The following LMO1 variants were observed in gnomAD, a reference collection of about 807,000 sequenced individuals.
LMO1 encodes rhombotin-1.
LMO1 carries 10 observed loss-of-function variants against 18.0 expected under a neutral mutation model. The observed-to-expected ratio is 0.55, with a 90% CI of 0.34 to 0.94. The LOEUF (loss-of-function observed/expected upper bound fraction) is 0.94. Among genes scored for constraint, LMO1 ranks in the 40% least tolerant of loss-of-function variants. The probability of loss-of-function intolerance (pLI) is 0.02; values close to 1 mark genes in which losing one functional copy is unlikely to be tolerated. For missense variants in LMO1, 183 were observed against 205.7 expected (o/e 0.89, Z 0.68); for synonymous variants, 77 against 77.9 (o/e 0.99, Z 0.06).
At chr11:8,231,386 G>A (rs992871728) in intron 1 of LMO1, among the ~76,000 whole-genome samples, 2 of 152,254 alleles carry the variant, frequency 1.3e-5, no homozygotes, top group Admixed American at 6.5e-5. Flanking sequence ...CAGGCACGAC[G>A]TGCAGGTGTG....
At chr11:8,241,058 C>T (rs1265260089) in intron 1 of LMO1, among the ~76,000 whole-genome samples, 1 of 152,150 alleles carries the variant, frequency 6.6e-6, no homozygotes, top group Admixed American at 6.5e-5. Context: ...ATTTTCTTTC[C>T]ATTCTTTGGT....
intron 1 of LMO1, among the ~76,000 whole-genome samples, chr11:8,260,965 T>A (rs1311069988): frequency 6.6e-6 from 1 of 152,068 alleles, no homozygotes; most frequent in Non-Finnish European, 1.5e-5. Context: ...AGATAGGTGG[T>A]TGGTTTGGAG....
At chr11:8,237,746 G>T (rs1952786592) in intron 1 of LMO1, among the ~76,000 whole-genome samples, 1 of 152,260 alleles carries the variant, frequency 6.6e-6, no homozygotes, top group Admixed American at 6.5e-5. Context: ...AGTCAGCTCA[G>T]TAGAGGGACT....
At chr11:8,258,465 G>T (rs1442795020) in intron 1 of LMO1, among the ~76,000 whole-genome samples, 2 of 152,196 alleles carry the variant, frequency 1.3e-5, no homozygotes, top group African/African-American at 4.8e-5. Context: ...CCCAACTCTG[G>T]CAGCTTCGCC....
intron 3 of LMO1, 34 bp from the exon 4 acceptor site, chr11:8,224,755 G>A: frequency 6.9e-7 from 1 of 1,443,006 alleles, no homozygotes; most frequent in South Asian, 1.2e-5. Context: ...GAAGCCATGG[G>A]AAGGTCCCAG....
At chr11:8,262,277 C>T (rs561324231) in intron 1 of LMO1, among the ~76,000 whole-genome samples, 5 of 152,314 alleles carry the variant, frequency 3.3e-5, no homozygotes, top group East Asian at 3.9e-4. Flanking sequence ...GGCAGAACGC[C>T]GGCGGCAGCG....
intron 1 of LMO1, among the ~76,000 whole-genome samples, chr11:8,255,817 A>ATTTT (rs1847085105): frequency 6.7e-5 from 5 of 74,988 alleles, no homozygotes; most frequent in African/African-American, 8.7e-5. Context: ...ACAATGCCGC[A>ATTTT]CTTTTTTTTT....
chr11:8,244,556 G>A (rs1257419099), intron 1 of LMO1, among the ~76,000 whole-genome samples: 1 of 152,194 alleles, frequency 6.6e-6, no homozygotes, highest in African/African-American at 2.4e-5. Context: ...AAGAAAGGAG[G>A]GGAAAAGCCA....
chr11:8,236,556 G>T (rs1952763545), intron 1 of LMO1, among the ~76,000 whole-genome samples: 1 of 151,972 alleles, frequency 6.6e-6, no homozygotes, highest in South Asian at 2.1e-4. Context: ...GTGCTGTGCT[G>T]CAGGGCTGCA....
At position 8,245,447 on chromosome 11, in the gene LMO1, C is replaced by A. The variant is rs116882247; in HGVS notation, c.26-14943G>T. 6.9e-3 allele frequency among the ~76,000 whole-genome samples: 1,050 copies of A among 152,176 alleles called. 3 individuals carry two copies. Among genetic ancestry groups the A allele is most frequent in the Non-Finnish European group, 0.011 (772 of 68,032 alleles). ...TTGTAGGGCTGAAGAATGAAAGTAC[C>A]TAAAGCAAGCAGAAGTCCTTTGCTA... On this transcript the variant is annotated intron_variant, in intron 1 of 3. Transcript: ENST00000335790.
At chr11:8,229,854 T>C (rs1353122298) in intron 2 of LMO1, among the ~76,000 whole-genome samples, 2 of 152,138 alleles carry the variant, frequency 1.3e-5, no homozygotes, top group African/African-American at 4.8e-5. Context: ...GAAAGGAAAG[T>C]TGGACACTGG....
rs7926261 is a variant in LMO1, at chr11:8,241,402, G to A, written c.26-10898C>T. Among the ~76,000 whole-genome samples, 713 of 152,326 alleles carry A rather than the reference G, an allele frequency of 4.7e-3. 3 individuals carry two copies. Among genetic ancestry groups the A allele is most frequent in the African/African-American group, 0.016 (666 of 41,574 alleles). On this transcript the variant is annotated intron_variant, in intron 1 of 3. Coordinates refer to ENST00000335790, the MANE Select transcript of LMO1 (RefSeq NM_002315.3). ...GGAGAGATCTTCCAGATGAACCAGG[G>A]CAGGTCACTGCTCAACTTGAAACCC...
At chr11:8,268,431 C>T (rs981086982), upstream of LMO1, 9 of 1,469,864 alleles carry the variant, frequency 6.1e-6, no homozygotes, top group Admixed American at 2.3e-5. Flanking sequence ...ACCTACCGTC[C>T]TCCTGGTCCA....
At chr11:8,255,217 CT>C (rs1032398477) in intron 1 of LMO1, among the ~76,000 whole-genome samples, 38 of 152,076 alleles carry the variant, frequency 2.5e-4, no homozygotes, top group African/African-American at 9.2e-4. Context: ...CTTGTGTAGG[CT>C]GGGTGTGGTG....
intron 1 of LMO1, among the ~76,000 whole-genome samples, chr11:8,254,224 C>T (rs1847051967): frequency 6.6e-6 from 1 of 152,168 alleles, no homozygotes; most frequent in South Asian, 2.1e-4. Context: ...CTTTCTAAAT[C>T]AATATAACAC....
At chr11:8,263,296 G>A (rs762242393) in intron 1 of LMO1, 42 bp downstream of exon 1, 11 of 1,580,910 alleles carry the variant, frequency 7.0e-6, no homozygotes, top group Admixed American at 6.8e-5. Flanking sequence ...GCGGCAGGGG[G>A]CGAGGGGGTG....
upstream of LMO1, among the ~76,000 whole-genome samples, chr11:8,265,834 G>A (rs749667981): frequency 9.8e-5 from 15 of 152,296 alleles, no homozygotes; most frequent in Admixed American, 7.2e-4. Context: ...TCACTCCATC[G>A]GGGCTGCATG....
chr11:8,244,824 C>T (rs1846867338), intron 1 of LMO1, among the ~76,000 whole-genome samples: 1 of 152,170 alleles, frequency 6.6e-6, no homozygotes, highest in Non-Finnish European at 1.5e-5. Flanking sequence ...AGCACCAGGT[C>T]AGTAAACACT....
rs3750952 is a variant in LMO1 at position 8,230,374 on chromosome 11, G to C, written c.156C>G (p.Ala52=). ...KYWHEDCLKC[A]CCDCRLGEVG... ...CCTCGCCCAGGCGGCAGTCACAGCA[G>C]GCACACTTGAGGCAGTCTTCGTGCC... is the stretch of plus-strand genomic sequence containing the variant. Residue 52 remains alanine, a synonymous_variant, in exon 2 of 4, where the codon GCC becomes GCG. Transcript: ENST00000335790. 752,182 of 1,613,866 alleles carry C rather than the reference G, an allele frequency of 0.47. 182,705 individuals carry two copies. Among genetic ancestry groups the C allele is most frequent in the South Asian group, 0.56 (51,441 of 91,080 alleles).
Sources: gnomAD v4.1 joint callset for allele counts (sites outside exome capture counted in the v4.1 genomes callset) on GRCh38, gnomAD v4.1.1 for gene constraint, MANE v1.5 for transcripts, NCBI Gene and HGNC (gene_info 2026-07-23, HGNC 2026-07-21) for gene names.